CYB561A3: variants seen among roughly 807,000 people sequenced by gnomAD.
CYB561A3 encodes cytochrome b561 family member A3.
CYB561A3 carries 16 observed loss-of-function variants against 25.3 expected under a neutral mutation model. The ratio of observed to expected loss-of-function variants is 0.63; its 90% confidence interval spans 0.43 to 0.96. The LOEUF is 0.96. CYB561A3 is among the 40% of genes least tolerant of loss of function. The pLI is 0.00. For synonymous variants in CYB561A3, 131 were observed against 129.9 expected, an observed-to-expected ratio of 1.01 and a Z score of -0.06; for missense variants, 219 against 307.5, an observed-to-expected ratio of 0.71 and a Z score of 2.15.
chr11:61,357,220 C>G, intron 2 of CYB561A3: 1 of 1,551,430 alleles, frequency 6.4e-7, no homozygotes, highest in Non-Finnish European at 8.7e-7. Flanking sequence ...AGGAAGGAGT[C>G]AGAAAAGTTC....
chr11:61,356,406 G>GGCCCC, intron 3 of CYB561A3, 124 bp downstream of exon 3: 1 of 645,276 alleles, frequency 1.5e-6, no homozygotes, highest in East Asian at 5.1e-5. Flanking sequence ...CCCAGAGACA[G>GGCCCC]CCCAACCCAC....
chr11:61,359,025 AC>A (rs1267888570), intron 1 of CYB561A3: 1 of 152,132 alleles, frequency 6.6e-6, no homozygotes, highest in African/African-American at 2.4e-5. Flanking sequence ...GGAGTTTGAG[AC>A]CAGCCTGGCC....
intron 4 of CYB561A3, 157 bp downstream of exon 4, chr11:61,353,627 C>T: frequency 1.1e-6 from 1 of 876,548 alleles, no homozygotes. Context: ...CACTGACCTC[C>T]CACAGCCCTT....
At chr11:61,354,292 G>A (rs903241113) in intron 3 of CYB561A3, 5 of 421,564 alleles carry the variant, frequency 1.2e-5, no homozygotes, top group African/African-American at 2.0e-5. Flanking sequence ...AGGAGTTTGA[G>A]GTTACAGTGA....
chr11:61,353,406 T>C (rs887823558), intron 4 of CYB561A3: 9 of 605,980 alleles, frequency 1.5e-5, no homozygotes, highest in Non-Finnish European at 2.7e-5. Flanking sequence ...CAGTCCTTGC[T>C]CATAAAACTC....
chr11:61,352,055 A>G (rs988010660), intron 5 of CYB561A3: 5 of 152,204 alleles, frequency 3.3e-5, no homozygotes, highest in African/African-American at 1.2e-4. Flanking sequence ...ACCCATGAGG[A>G]AACTGAAGCT....
intron 5 of CYB561A3, 188 bp from the exon 6 acceptor site, chr11:61,351,335 G>A (rs980576979): frequency 3.9e-5 from 23 of 593,380 alleles, no homozygotes; most frequent in Non-Finnish European, 5.9e-5. Context: ...TGTCACCCGG[G>A]CTGGAGTGCA....
rs372780229 is a variant in CYB561A3, at chr11:61,353,119, G to A, written c.414C>T (p.Val138=). The change falls in exon 5 of 7, where the codon GTC becomes GTT. Residue 138 remains valine, a synonymous_variant. Coordinates refer to ENST00000294072, the MANE Select transcript of CYB561A3 (RefSeq NM_153611.6). ...ACATGGACGCCCAGGGCAGGAGGAA[G>A]ACAGCAAAGCCCAGGAACCACTGTG... ...FACQWFLGFA[V]FLLPWASMWL... 1.9e-6 allele frequency: 3 copies of A among 1,610,950 alleles called. No individual in the cohort carries two copies. Among genetic ancestry groups the A allele is most frequent in the East Asian group, 4.5e-5 (2 of 44,886 alleles).
At chr11:61,356,414 CACCCTA>C in intron 3 of CYB561A3, 110 bp downstream of exon 3, 31 of 618,904 alleles carry the variant, frequency 5.0e-5, no homozygotes, top group Non-Finnish European at 6.8e-5. Context: ...CAGCCCAACC[CACCCTA>C]CCCCCATAGC....
At position 61,350,234 on chromosome 11, in the gene CYB561A3, G is replaced by A. The variant is rs1382461073; in HGVS notation, c.*165C>T. The A allele has an allele frequency of 1.2e-6, 1 of 855,776 alleles. No homozygotes were observed. The highest frequency in any genetic ancestry group is 1.8e-6 in the Non-Finnish European group (1 of 563,126). 53.0% of individuals were successfully genotyped at this position (855,776 alleles called of 1,614,324 possible). A position where few individuals can be genotyped will look rare whatever the true frequency, so the allele number is the denominator to read the frequency against. On this transcript the variant is annotated 3_prime_UTR_variant, in exon 7 of 7. Transcript: ENST00000294072. ...AGCCACCAAGGAAAGCAGACAGGCA[G>A]CAAGCGGCCGGAGAGGGCAGGCCAG...
At chr11:61,353,414 C>G (rs1857510002) in intron 4 of CYB561A3, 1 of 608,814 alleles carries the variant, frequency 1.6e-6, no homozygotes, top group Non-Finnish European at 3.0e-6. Context: ...GCTCATAAAA[C>G]TCTTCACTCG....
chr11:61,356,415 A>ACCCC, intron 3 of CYB561A3, 115 bp downstream of exon 3: 2 of 223,160 alleles, frequency 9.0e-6, no homozygotes, highest in Non-Finnish European at 1.7e-5. Context: ...AGCCCAACCC[A>ACCCC]CCCTACCCCC....
chr11:61,351,377 C>T, intron 5 of CYB561A3: 1 of 352,656 alleles, frequency 2.8e-6, no homozygotes, highest in East Asian at 6.0e-5. Flanking sequence ...GCAAGCTCCG[C>T]CTCCTGGGTT....
At chr11:61,358,876 C>T (rs527763076) in intron 1 of CYB561A3, 1 of 152,390 alleles carries the variant, frequency 6.6e-6, no homozygotes, top group East Asian at 1.9e-4. Context: ...GCTAGGGGTC[C>T]ACCTACTTAG....
chr11:61,354,041 C>T (rs1335417486), intron 3 of CYB561A3, 49 bp from the exon 4 acceptor site: 2 of 1,600,040 alleles, frequency 1.2e-6, no homozygotes, highest in Admixed American at 1.7e-5. Context: ...TCGAGCTCAC[C>T]CAGACATCAG....
intron 6 of CYB561A3, chr11:61,350,725 G>A (rs1857362186): frequency 1.7e-6 from 1 of 596,168 alleles, no homozygotes; most frequent in Non-Finnish European, 2.9e-6. Context: ...AGAAGATAAG[G>A]CCACACTTCA....
At chr11:61,352,669 AG>A in intron 5 of CYB561A3, 1 of 574,680 alleles carries the variant, frequency 1.7e-6, no homozygotes, top group Non-Finnish European at 2.4e-6. Context: ...TCAAAAAAAA[AG>A]AAAAAAGAAA....
chr11:61,353,165 C>T (rs762266199), intron 4 of CYB561A3, 26 bp from the exon 5 acceptor site: 5 of 1,578,500 alleles, frequency 3.2e-6, no homozygotes, highest in East Asian at 2.2e-5. Context: ...AGGACACACC[C>T]GACTGTGCTA....
chr11:61,355,120 A>G (rs1162318567), intron 3 of CYB561A3, among the ~76,000 whole-genome samples: 1 of 151,848 alleles, frequency 6.6e-6, no homozygotes, highest in African/African-American at 2.4e-5. Flanking sequence ...CGCCCACCTC[A>G]GTCTCCCAAA....
Sources: gnomAD v4.1 joint callset for allele counts (sites outside exome capture counted in the v4.1 genomes callset) on GRCh38, gnomAD v4.1.1 for gene constraint, MANE v1.5 for transcripts, NCBI Gene and HGNC (gene_info 2026-07-23, HGNC 2026-07-21) for gene names.